ZMYND11: variants seen among roughly 807,000 people sequenced by gnomAD.
The protein encoded by ZMYND11 is zinc finger MYND-type containing 11.
Under a neutral mutation model 84.9 loss-of-function variants are expected in ZMYND11, and 9 were observed. The observed-to-expected ratio is 0.11, with a 90% CI of 0.06 to 0.18. The LOEUF is 0.18. Among genes scored for constraint, ZMYND11 ranks in the 10% least tolerant of loss-of-function variants. ZMYND11 has a pLI of 1.00. For synonymous variants in ZMYND11, 250 were observed against 244.1 expected, an observed-to-expected ratio of 1.02 and a Z score of -0.23; for missense variants, 409 against 761.0, an observed-to-expected ratio of 0.54 and a Z score of 5.44.
At chr10:160,009 CA>C (rs1307846760) in intron 1 of ZMYND11, among the ~76,000 whole-genome samples, 1 of 152,150 alleles carries the variant, frequency 6.6e-6, no homozygotes, top group African/African-American at 2.4e-5. Context: ...TAAATACCCC[CA>C]AAGCAGTATT....
In ZMYND11 at chr10:239,539, G is replaced by GTGTT. The variant is rs1554788985; in HGVS notation, c.697+15_697+16insGTTT. The stretch of plus-strand genomic sequence containing the variant: ...TTTTCTATGGAGGTTGAATATTTTT[G>GTGTT]TTTTTTTTGTATGCATTTTTAAACA... On this transcript the variant is annotated intron_variant, in intron 7 of 14. Transcript: ENST00000381604. The GTGTT allele has an allele frequency of 0.57, 829,699 of 1,467,356 alleles. 212,375 individuals carry two copies. The highest frequency in any genetic ancestry group is 0.74 in the East Asian group (30,980 of 41,682). 90.9% of individuals were successfully genotyped at this position (1,467,356 alleles called of 1,614,324 possible). A position where few individuals can be genotyped will look rare whatever the true frequency, so the allele number is the denominator to read the frequency against.
At chr10:215,315 A>C (rs1314949729) in intron 3 of ZMYND11, among the ~76,000 whole-genome samples, 2 of 151,468 alleles carry the variant, frequency 1.3e-5, no homozygotes, top group Non-Finnish European at 2.9e-5. Flanking sequence ...AGTTTAAAAT[A>C]TTAAAAAGTG....
chr10:232,752 T>C lies in ZMYND11; in HGVS notation c.439-4086T>C, dbSNP rs188641454. Among the ~76,000 whole-genome samples, 44 of 152,334 alleles carry C rather than the reference T, an allele frequency of 2.9e-4. 1 individual carries two copies. The highest frequency in any genetic ancestry group is 2.9e-3 in the Admixed American group (44 of 15,304). On this transcript the variant is annotated intron_variant, in intron 4 of 14. Transcript: ENST00000381604. ...CTGTGAAATTCCGTTTGGTCAGTCC[T>C]TCTATACAGCCCAAATCATTGACGT...
chr10:131,136 A>T (rs1300193902), upstream of ZMYND11, among the ~76,000 whole-genome samples: 8 of 152,180 alleles, frequency 5.3e-5, no homozygotes, highest in Admixed American at 5.2e-4. Flanking sequence ...AACAGGGACC[A>T]GGGAGACAGG....
At chr10:155,396 C>T (rs1841457894) in intron 1 of ZMYND11, among the ~76,000 whole-genome samples, 1 of 152,154 alleles carries the variant, frequency 6.6e-6, no homozygotes, top group Admixed American at 6.5e-5. Flanking sequence ...CACCTGTAAT[C>T]CCAGCACTTT....
chr10:206,444 G>C (rs1944190129), intron 2 of ZMYND11, among the ~76,000 whole-genome samples: 1 of 152,172 alleles, frequency 6.6e-6, no homozygotes, highest in Non-Finnish European at 1.5e-5. Context: ...TGACTTTTTT[G>C]TGAACTGAGA....
At chr10:232,677 C>T (rs1009427741) in intron 4 of ZMYND11, among the ~76,000 whole-genome samples, 1 of 152,120 alleles carries the variant, frequency 6.6e-6, no homozygotes, top group Non-Finnish European at 1.5e-5. Flanking sequence ...GGTGGGGCAA[C>T]AAGTAGATAA....
chr10:186,756 G>C (rs1337080152), intron 2 of ZMYND11, among the ~76,000 whole-genome samples: 1 of 151,092 alleles, frequency 6.6e-6, no homozygotes, highest in Non-Finnish European at 1.5e-5. Context: ...AATTCTTAGG[G>C]ACTAATAATT....
At chr10:229,871 G>A (rs1051426046) in intron 4 of ZMYND11, among the ~76,000 whole-genome samples, 1 of 152,002 alleles carries the variant, frequency 6.6e-6, no homozygotes, top group Non-Finnish European at 1.5e-5. Flanking sequence ...TTCCATTGTT[G>A]CAAGTGGGCC....
At chr10:215,238 C>G (rs566982316) in intron 3 of ZMYND11, among the ~76,000 whole-genome samples, 3 of 152,244 alleles carry the variant, frequency 2.0e-5, no homozygotes, top group East Asian at 3.9e-4. Context: ...CTTTACTTAC[C>G]TACCAGGTTT....
chr10:242,243 G>T, intron 10 of ZMYND11, 104 bp downstream of exon 10: 2 of 1,332,844 alleles, frequency 1.5e-6, no homozygotes, highest in Non-Finnish European at 1.0e-6. Context: ...ATTTTAAATT[G>T]GAAAAAAAAA....
In ZMYND11 at chr10:180,049, A is replaced by G. The variant is rs759490914; in HGVS notation, c.37A>G (p.Lys13Glu). 1.9e-5 allele frequency: 30 copies of G among 1,613,904 alleles called. No homozygotes were observed. The highest frequency in any genetic ancestry group is 2.5e-5 in the Non-Finnish European group (29 of 1,179,834). ...AACAAAAAGACGACAGGCGGATACAAAAGCTATCCAGCATCTTTGGGCAGC... is the reference window on the plus strand; with the variant it reads ...AACAAAAAGACGACAGGCGGATACAGAAGCTATCCAGCATCTTTGGGCAGC... ...RLTKRRQADT[K>E]AIQHLWAAIE... The change falls in exon 2 of 15, where the codon AAA becomes GAA. Residue 13 changes from lysine to glutamate, a missense_variant. Physicochemically the swap from Lys to Glu is moderately conservative, Grantham distance 56 (BLOSUM62 1). Around this residue, in one of 7 missense-constraint regions of ZMYND11, gnomAD observed 73 missense variants for 185.8 expected, o/e 0.39. Transcript: ENST00000381604.
chr10:247,342 G>A, intron 11 of ZMYND11, 56 bp from the exon 12 acceptor site: 1 of 1,588,504 alleles, frequency 6.3e-7, no homozygotes, highest in Non-Finnish European at 8.6e-7. Flanking sequence ...AGTGTTTTCA[G>A]CAGAGAAGTA....
rs79244653 is a variant in ZMYND11, at chr10:234,201, G to A, written c.439-2637G>A. 8.1e-3 allele frequency among the ~76,000 whole-genome samples: 1,239 copies of A among 152,358 alleles called. 9 individuals are homozygous for A. The highest frequency in any genetic ancestry group is 0.012 in the Non-Finnish European group (832 of 68,032). On this transcript the variant is annotated intron_variant, in intron 4 of 14. Coordinates refer to ENST00000381604, the MANE Select transcript of ZMYND11 (RefSeq NM_001370100.5). ...TTCTAAAGAGTTAGAAACAAGAGACGTGAAAGCGCAGAAAGGAAACAACAA... is the reference window on the plus strand; with the variant it reads ...TTCTAAAGAGTTAGAAACAAGAGACATGAAAGCGCAGAAAGGAAACAACAA...
At chr10:249,361 C>T in intron 14 of ZMYND11, 1 of 1,190,306 alleles carries the variant, frequency 8.4e-7, no homozygotes. Flanking sequence ...TATATAATTT[C>T]TCCATCTATG....
At chr10:173,733 T>G (rs1172785503) in intron 1 of ZMYND11, among the ~76,000 whole-genome samples, 6 of 152,014 alleles carry the variant, frequency 3.9e-5, no homozygotes. Flanking sequence ...AAAAAAATTT[T>G]TTTAAGGGCA....
chr10:175,117 T>C (rs1234438035), intron 1 of ZMYND11, among the ~76,000 whole-genome samples: 4 of 152,186 alleles, frequency 2.6e-5, no homozygotes, highest in African/African-American at 7.2e-5. Context: ...CATAATGATA[T>C]GTCAGTGTAG....
intron 2 of ZMYND11, among the ~76,000 whole-genome samples, chr10:203,584 G>A (rs1588920582): frequency 6.6e-6 from 1 of 152,120 alleles, no homozygotes; most frequent in Non-Finnish European, 1.5e-5. Flanking sequence ...ACCAAGAAGA[G>A]CCACAATGAG....
chr10:243,757 T>TGGGAGGCTGAGGCAGGAGAATGGC (rs1951543552), intron 10 of ZMYND11, among the ~76,000 whole-genome samples: 1 of 152,024 alleles, frequency 6.6e-6, no homozygotes, highest in South Asian at 2.1e-4. Flanking sequence ...CCCACCTACT[T>TGGGAGGCTGAGGCAGGAGAATGGC]GGGAGGCTGA....
Sources: gnomAD v4.1 joint callset for allele counts (sites outside exome capture counted in the v4.1 genomes callset) on GRCh38, gnomAD v4.1.1 for gene constraint, gnomAD v4.1.1 regional missense constraint, MANE v1.5 for transcripts, NCBI Gene and HGNC (gene_info 2026-07-23, HGNC 2026-07-21) for gene names.